SLC11A2: variants seen among roughly 807,000 people sequenced by gnomAD.
The protein encoded by SLC11A2 is natural resistance-associated macrophage protein 2.
A neutral mutation model predicts 68.0 loss-of-function variants in SLC11A2; 38 were observed. That is an observed-to-expected ratio of 0.56 (90% confidence interval 0.43 to 0.73). The LOEUF (loss-of-function observed/expected upper bound fraction) is 0.73, where lower values mean the gene tolerates loss of function less well. Ranked by LOEUF, SLC11A2 falls within the 30% of genes least tolerant of loss-of-function variation. SLC11A2 has a pLI of 0.00. For missense variants in SLC11A2, 517 were observed against 690.5 expected, an observed-to-expected ratio of 0.75 and a Z score of 2.82; for synonymous variants, 242 against 250.6, an observed-to-expected ratio of 0.97 and a Z score of 0.32.
downstream of SLC11A2, among the ~76,000 whole-genome samples, chr12:50,985,187 A>C (rs1406882860): frequency 6.6e-6 from 1 of 152,220 alleles, no homozygotes; most frequent in Non-Finnish European, 1.5e-5. Context: ...ATTTAGATTC[A>C]TTGGTCCTAC....
downstream of SLC11A2, among the ~76,000 whole-genome samples, chr12:50,979,245 A>G (rs1939898453): frequency 6.6e-6 from 1 of 152,180 alleles, no homozygotes; most frequent in Non-Finnish European, 1.5e-5. Context: ...CTTTGACATG[A>G]TTCAGTTTGC....
At chr12:50,958,986 C>A in the SLC11A2 span, among the ~76,000 whole-genome samples, 1 of 151,904 alleles carries the variant, frequency 6.6e-6, no homozygotes, top group Non-Finnish European at 1.5e-5. Flanking sequence ...CACTTCACTG[C>A]AGCCTGGGTG....
chr12:50,966,879 G>A, the SLC11A2 span, among the ~76,000 whole-genome samples: 3 of 152,162 alleles, frequency 2.0e-5, no homozygotes, highest in Non-Finnish European at 2.9e-5. Flanking sequence ...GATTCGGGAG[G>A]CCAAGGTGGG....
upstream of SLC11A2, chr12:51,028,253 T>C: frequency 1.3e-6 from 2 of 1,521,098 alleles, no homozygotes; most frequent in Non-Finnish European, 1.8e-6. Flanking sequence ...ACTTTCCCAA[T>C]GCCAGCTCCT....
chr12:50,977,065 A>G (rs1939858013), downstream of SLC11A2, among the ~76,000 whole-genome samples: 1 of 152,236 alleles, frequency 6.6e-6, no homozygotes, highest in Admixed American at 6.5e-5. Context: ...AAACGGCCAT[A>G]CTGCCCAAGG....
intron 10 of SLC11A2, 90 bp from the exon 11 acceptor site, chr12:50,994,720 A>G: frequency 1.3e-6 from 1 of 796,778 alleles, no homozygotes; most frequent in South Asian, 1.4e-5. Flanking sequence ...AATCATCTAT[A>G]AGAGGTAGGC....
Position 50,992,892 on chromosome 12 carries a change from A to C in SLC11A2, c.1115T>G (p.Leu372Arg). The change falls in exon 12 of 16, where the codon CTC becomes CGC. Residue 372 changes from leucine to arginine, a missense_variant. Leu to Arg is a moderately radical substitution (Grantham distance 102, BLOSUM62 -2). Transcript: ENST00000262052. ...VLGCYFGPAA[L>R]YIWAVGILAA... is the part of the protein sequence containing the mutation. Reference sequence around the variant, plus strand: ...CAGGATCCCCACTGCCCAAATGTAGAGTGCAGCAGGCCCAAAGTAACATCC... The same window carrying C: ...CAGGATCCCCACTGCCCAAATGTAGCGTGCAGCAGGCCCAAAGTAACATCC... 1 of 1,614,022 alleles carries C rather than the reference A, an allele frequency of 6.2e-7. No homozygotes were observed. The highest frequency in any genetic ancestry group is 1.7e-5 in the Admixed American group (1 of 59,996).
At chr12:50,958,714 GAAT>G in the SLC11A2 span, among the ~76,000 whole-genome samples, 1 of 151,818 alleles carries the variant, frequency 6.6e-6, no homozygotes, top group African/African-American at 2.4e-5. Context: ...TAATGGGAAA[GAAT>G]AGAGAACCCA....
At chr12:50,969,459 G>C in the SLC11A2 span, among the ~76,000 whole-genome samples, 1 of 152,056 alleles carries the variant, frequency 6.6e-6, no homozygotes, top group African/African-American at 2.4e-5. Flanking sequence ...CAGCACTTTA[G>C]GAGGCCAAGG....
chr12:50,987,192 GAGAGGT>G lies in SLC11A2; in HGVS notation c.*1127_*1132del. 3 of 1,286,704 alleles carry G rather than the reference GAGAGGT, an allele frequency of 2.3e-6. No homozygotes were observed. Among genetic ancestry groups the G allele is most frequent in the Non-Finnish European group, 3.0e-6 (3 of 988,336 alleles). 79.7% of individuals were successfully genotyped at this position (1,286,704 alleles called of 1,614,324 possible). On this transcript the variant is annotated 3_prime_UTR_variant, in exon 16 of 16. Transcript: ENST00000262052. Reference sequence around the variant, plus strand: ...TTTTCCCTCTGAGGAAACAGCTGTAGAGAGGTAGCCCAGTTCAACTTTGCTGAGACA... The same window carrying G: ...TTTTCCCTCTGAGGAAACAGCTGTAGAGCCCAGTTCAACTTTGCTGAGACA...
At chr12:51,016,184 T>C (rs551008659) in intron 1 of SLC11A2, among the ~76,000 whole-genome samples, 2 of 152,248 alleles carry the variant, frequency 1.3e-5, no homozygotes, top group Admixed American at 6.5e-5. Context: ...GCAGATTGCT[T>C]AAGCCCAGGA....
At chr12:51,026,801 C>T (rs1408243923), upstream of SLC11A2, among the ~76,000 whole-genome samples, 1 of 151,948 alleles carries the variant, frequency 6.6e-6, no homozygotes, top group Non-Finnish European at 1.5e-5. Flanking sequence ...GAGACCGAGG[C>T]GGGAGGATCA....
chr12:51,007,134 T>C (rs1262579281), intron 3 of SLC11A2, among the ~76,000 whole-genome samples: 1 of 152,144 alleles, frequency 6.6e-6, no homozygotes, highest in African/African-American at 2.4e-5. Context: ...CCACCTTTCC[T>C]GATGGAACCA....
Position 51,008,600 on chromosome 12 carries a change from TC to T in SLC11A2, c.58del (p.Glu20SerfsTer61). The T allele has an allele frequency of 1.2e-6, 2 of 1,612,952 alleles. No homozygotes were observed. Among genetic ancestry groups the T allele is most frequent in the Non-Finnish European group, 8.5e-7 (1 of 1,179,068 alleles). On this transcript the variant is annotated frameshift_variant, in exon 3 of 16. Coordinates refer to ENST00000262052, the MANE Select transcript of SLC11A2 (RefSeq NM_000617.3). LOFTEE classifies it high-confidence loss of function. ...GTTGATGTTACCAAGACTGGCAGAC[TC>T]CCCATGATCTCCAGAAACACTGTCT... Reference protein sequence around the residue: ...SDDSVSGDHGESASLGNINPA... With the variant: ...SDDSVSGDHGXSASLGNINPA...
intron 5 of SLC11A2, 61 bp from the exon 6 acceptor site, chr12:51,000,480 C>T: frequency 1.5e-6 from 2 of 1,331,432 alleles, no homozygotes; most frequent in Non-Finnish European, 2.2e-6. Flanking sequence ...AATTCCTCCA[C>T]AATTTGGAAT....
downstream of SLC11A2, among the ~76,000 whole-genome samples, chr12:50,982,519 C>T (rs997573807): frequency 3.3e-5 from 5 of 152,236 alleles, no homozygotes; most frequent in South Asian, 6.2e-4. Context: ...CCCAGCTAAT[C>T]GGGAGGCTGA....
At chr12:51,027,017 A>T (rs111679764), upstream of SLC11A2, among the ~76,000 whole-genome samples, 258 of 152,190 alleles carry the variant, frequency 1.7e-3, 1 homozygote, top group African/African-American at 5.9e-3. Context: ...TCTTTACTAA[A>T]AATACAAAAT....
chr12:50,987,048 C>G lies in SLC11A2; in HGVS notation c.*1277G>C. The G allele has an allele frequency of 7.8e-7, 1 of 1,286,456 alleles. No individual in the cohort carries two copies. The highest frequency in any genetic ancestry group is 1.2e-5 in the South Asian group (1 of 80,752). The allele number at this position is 1,286,456 out of a possible 1,614,324, so 79.7% of individuals were successfully genotyped here. A position where few individuals can be genotyped will look rare whatever the true frequency, so the allele number is the denominator to read the frequency against. On this transcript the variant is annotated 3_prime_UTR_variant, in exon 16 of 16. Coordinates refer to ENST00000262052, the MANE Select transcript of SLC11A2 (RefSeq NM_000617.3). ...TCAAAGTGATTTGATTTGAGATAAT[C>G]ACACAATCTCAGGCTCGGTATGTAA...
intron 15 of SLC11A2, among the ~76,000 whole-genome samples, chr12:50,989,998 C>G (rs561300835): frequency 6.6e-6 from 1 of 152,100 alleles, no homozygotes; most frequent in Non-Finnish European, 1.5e-5. Context: ...ATAAGCAATG[C>G]TAAAGAAGAT....
Sources: gnomAD v4.1 joint callset for allele counts (sites outside exome capture counted in the v4.1 genomes callset) on GRCh38, gnomAD v4.1.1 for gene constraint, MANE v1.5 for transcripts, NCBI Gene and HGNC (gene_info 2026-07-23, HGNC 2026-07-21) for gene names.